Variants in IL1RAPL2 observed in about 807,000 individuals in gnomAD.
The protein encoded by IL1RAPL2 is X-linked interleukin-1 receptor accessory protein-like 2.
In IL1RAPL2, 3 loss-of-function variants were observed where a neutral mutation model predicts 44.1. That is an observed-to-expected ratio of 0.07 (90% CI 0.03 to 0.18). The LOEUF (loss-of-function observed/expected upper bound fraction) is 0.18. Ranked by LOEUF, IL1RAPL2 falls within the 10% of genes least tolerant of loss-of-function variation. IL1RAPL2 has a pLI of 1.00. For synonymous variants in IL1RAPL2, 181 were observed against 178.8 expected, an observed-to-expected ratio of 1.01 and a Z score of -0.10; for missense variants, 391 against 496.4, an observed-to-expected ratio of 0.79 and a Z score of 2.02.
At chrX:105,237,781 C>T (rs1013852670) in intron 4 of IL1RAPL2, among the ~76,000 whole-genome samples, 9 of 111,295 alleles carry the variant, frequency 8.1e-5, no homozygotes, top group Non-Finnish European at 9.4e-5. Context: ...TTCTCCCATT[C>T]TGTAGGTTGC....
At chrX:105,246,959 G>A (rs772729019) in intron 4 of IL1RAPL2, among the ~76,000 whole-genome samples, 14 of 111,184 alleles carry the variant, frequency 1.3e-4, no homozygotes, top group African/African-American at 4.6e-4. Flanking sequence ...CAAAATCAAT[G>A]TGCCCATATA....
intron 5 of IL1RAPL2, among the ~76,000 whole-genome samples, chrX:105,267,830 T>C (rs773413543): frequency 8.9e-5 from 10 of 111,847 alleles, no homozygotes; most frequent in Admixed American, 9.5e-5. Flanking sequence ...TCAGAAAATA[T>C]ATAGTGGAGC....
chrX:105,103,512 G>T (rs2032697831), intron 2 of IL1RAPL2, among the ~76,000 whole-genome samples: 1 of 112,048 alleles, frequency 8.9e-6, no homozygotes, highest in Admixed American at 9.5e-5. Context: ...AAATGTTCAT[G>T]TAATAAGATG....
intron 4 of IL1RAPL2, among the ~76,000 whole-genome samples, chrX:105,262,975 T>C (rs758118030): frequency 1.8e-5 from 2 of 110,376 alleles, no homozygotes; most frequent in African/African-American, 6.6e-5. Flanking sequence ...AACCTCTGCC[T>C]CCTGGGTTCA....
chrX:105,505,679 A>G, intron 6 of IL1RAPL2, among the ~76,000 whole-genome samples: 1 of 111,688 alleles, frequency 9.0e-6, no homozygotes, highest in Admixed American at 9.5e-5. Flanking sequence ...CAGAGAGGTA[A>G]GGAGTAGTCT....
intron 6 of IL1RAPL2, among the ~76,000 whole-genome samples, chrX:105,696,541 C>A (rs922372370): frequency 9.1e-6 from 1 of 110,212 alleles, no homozygotes; most frequent in Non-Finnish European, 1.9e-5. Context: ...ACCACATCCA[C>A]CCCCCCCACA....
rs778740450 is a variant in IL1RAPL2, at chrX:105,526,868, G to GTATT, written c.772+42483_772+42486dup. 9.9e-5 allele frequency among the ~76,000 whole-genome samples: 11 copies of GTATT among 111,289 alleles called. No homozygotes were observed. The East Asian group carries it at 2.5e-3, about 26-fold the overall frequency. On this transcript the variant is annotated intron_variant, in intron 6 of 10. Transcript: ENST00000372582. ...TTAGTGCTTTCTGGGCAGGAGACATGTATTTCGTGTATATCAAAGTTTGAT... is the reference window on the plus strand; with the variant it reads ...TTAGTGCTTTCTGGGCAGGAGACATGTATTTATTTCGTGTATATCAAAGTTTGAT...
At chrX:104,806,101 T>C (rs760587202) in intron 2 of IL1RAPL2, among the ~76,000 whole-genome samples, 1 of 112,237 alleles carries the variant, frequency 8.9e-6, no homozygotes, top group Non-Finnish European at 1.9e-5. Flanking sequence ...GAGATTCTAA[T>C]ATGCCACCAG....
intron 6 of IL1RAPL2, among the ~76,000 whole-genome samples, chrX:105,493,941 A>G (rs2036339242): frequency 8.9e-6 from 1 of 111,993 alleles, no homozygotes; most frequent in African/African-American, 3.2e-5. Context: ...TATGCCTGAA[A>G]ACTAGCTGTG....
chrX:105,008,470 A>G (rs899075336), intron 2 of IL1RAPL2, among the ~76,000 whole-genome samples: 1 of 111,343 alleles, frequency 9.0e-6, no homozygotes, highest in Non-Finnish European at 1.9e-5. Flanking sequence ...TTTTCAATGT[A>G]TATGTCATTA....
chrX:105,228,829 G>A (rs781894843), intron 3 of IL1RAPL2, among the ~76,000 whole-genome samples: 10 of 111,912 alleles, frequency 8.9e-5, no homozygotes, highest in African/African-American at 2.9e-4. Flanking sequence ...GACCAGCTAC[G>A]TCAGCTTGAC....
intron 2 of IL1RAPL2, among the ~76,000 whole-genome samples, chrX:104,824,151 G>T (rs1921387158): frequency 8.9e-6 from 1 of 112,002 alleles, no homozygotes; most frequent in African/African-American, 3.2e-5. Context: ...TAATCATGTG[G>T]TTTTTGTCAT....
At chrX:105,402,692 G>A (rs1307726703) in intron 5 of IL1RAPL2, among the ~76,000 whole-genome samples, 1 of 111,310 alleles carries the variant, frequency 9.0e-6, no homozygotes, top group Admixed American at 9.6e-5. Context: ...CATACTCTAT[G>A]TGCTCACATT....
intron 5 of IL1RAPL2, among the ~76,000 whole-genome samples, chrX:105,480,435 CAGT>C (rs1354265709): frequency 8.9e-6 from 1 of 112,037 alleles, no homozygotes; most frequent in African/African-American, 3.2e-5. Flanking sequence ...ATGGTATACA[CAGT>C]AGAGCAATTA....
At chrX:104,779,205 T>C (rs1251675441) in intron 2 of IL1RAPL2, among the ~76,000 whole-genome samples, 5 of 112,283 alleles carry the variant, frequency 4.5e-5, no homozygotes, top group Non-Finnish European at 1.9e-5. Flanking sequence ...TTTGACAGAA[T>C]TTGAAGATGA....
chrX:105,200,431 G>A (rs149422758), intron 3 of IL1RAPL2, among the ~76,000 whole-genome samples: 1,905 of 111,912 alleles, frequency 0.017, 41 homozygotes, highest in African/African-American at 0.057. Context: ...GAGAGACGGT[G>A]CCAATCGAAG....
chrX:104,844,632 AC>A (rs1922000409), intron 2 of IL1RAPL2, among the ~76,000 whole-genome samples: 2 of 111,845 alleles, frequency 1.8e-5, no homozygotes, highest in African/African-American at 3.2e-5. Context: ...GAAAACAAAA[AC>A]ACAAAAACAT....
intron 2 of IL1RAPL2, among the ~76,000 whole-genome samples, chrX:105,005,261 A>G (rs1452358859): frequency 9.0e-6 from 1 of 111,533 alleles, no homozygotes; most frequent in African/African-American, 3.3e-5. Flanking sequence ...AATGCTTCGT[A>G]TAGGGTAGTG....
rs138424371 is a variant in IL1RAPL2, at chrX:104,781,797, G to A, written c.82+122802G>A. ...AAATGTAGTCTCTAAATAGGCAGGC[G>A]TGTGTCTAGCCAGAATGCTGTGGTC... On this transcript the variant is annotated intron_variant, in intron 2 of 10. Transcript: ENST00000372582. 3.3e-3 allele frequency among the ~76,000 whole-genome samples: 372 copies of A among 112,242 alleles called. 1 individual carries two copies. The highest frequency in any genetic ancestry group is 0.012 in the African/African-American group (362 of 30,918).
Sources: gnomAD v4.1 joint callset for allele counts (sites outside exome capture counted in the v4.1 genomes callset) on GRCh38, gnomAD v4.1.1 for gene constraint, MANE v1.5 for transcripts, NCBI Gene and HGNC (gene_info 2026-07-23, HGNC 2026-07-21) for gene names.